Variants in NBPF9 observed in about 807,000 individuals in gnomAD.
The protein encoded by NBPF9 is NBPF family member NBPF9.
NBPF9 carries 91 observed loss-of-function variants against 97.8 expected under a neutral mutation model. The ratio of observed to expected loss-of-function variants is 0.93; its 90% CI spans 0.79 to 1.11. The LOEUF (loss-of-function observed/expected upper bound fraction) is 1.11, where lower values mean the gene tolerates loss of function less well. Ranked by LOEUF, NBPF9 falls within the 50% of genes least tolerant of loss-of-function variation. The pLI, the probability that NBPF9 is intolerant of heterozygous loss-of-function variation, is 0.00. For synonymous variants in NBPF9, 334 were observed against 359.5 expected (o/e 0.93, Z 0.80); for missense variants, 992 against 939.5 (o/e 1.06, Z -0.73).
exon 30 of NBPF9, chr1:149,055,256 G>A (rs2078128249): frequency 6.0e-6 from 2 of 335,496 alleles, no homozygotes; most frequent in Non-Finnish European, 5.5e-6. Flanking sequence ...GAAGAATGAG[G>A]TTAGGTTCAT....
chr1:149,097,886 C>T (rs1353350976), intron 4 of NBPF9, among the ~76,000 whole-genome samples: 19 of 152,056 alleles, frequency 1.2e-4, no homozygotes, highest in Non-Finnish European at 2.4e-4. Context: ...GAGATGGGAA[C>T]GGCCTTCAAA....
intron 7 of NBPF9, 91 bp downstream of exon 7, chr1:149,081,874 A>G: frequency 7.0e-6 from 6 of 862,328 alleles, no homozygotes; most frequent in South Asian, 4.5e-5. Flanking sequence ...GGAAGGATGA[A>G]ATTATTTTTG....
intron 12 of NBPF9, 104 bp from the exon 13 acceptor site, chr1:149,073,974 C>T: frequency 1.5e-6 from 1 of 660,108 alleles, no homozygotes. Flanking sequence ...CAAAACTCTC[C>T]CCAGTACCAG....
At chr1:149,069,196 C>T (rs1310467225) in intron 17 of NBPF9, among the ~76,000 whole-genome samples, 1 of 150,344 alleles carries the variant, frequency 6.7e-6, no homozygotes, top group Non-Finnish European at 1.5e-5. Context: ...GACACCCTAA[C>T]ATCACAATTA....
intron 15 of NBPF9, among the ~76,000 whole-genome samples, 171 bp downstream of exon 15, chr1:149,071,433 T>TA (rs2079401405): frequency 6.8e-6 from 1 of 148,126 alleles, no homozygotes; most frequent in Non-Finnish European, 1.5e-5. Context: ...TCGGCACACA[T>TA]AGAGAAACAT....
rs781808514 is a variant in NBPF9, at chr1:149,079,006, C to T, written c.493+1G>A. On this transcript the variant is annotated splice_donor_variant, in intron 9 of 29. Transcript: ENST00000584027. LOFTEE classifies it high-confidence loss of function. ...GTCATCAGGGCCTATGGCCACCTTA[C>T]CTGGGCTGAGCTTTTGGACAAGGTG... The T allele has an allele frequency of 1.1e-5, 15 of 1,426,424 alleles. No homozygotes were observed. In the Admixed American group the frequency reaches 2.0e-4, roughly 19 times the overall value. 88.4% of individuals were successfully genotyped at this position (1,426,424 alleles called of 1,614,324 possible).
intron 21 of NBPF9, among the ~76,000 whole-genome samples, chr1:149,062,480 G>A (rs1254797378): frequency 1.4e-5 from 2 of 144,130 alleles, no homozygotes; most frequent in African/African-American, 5.1e-5. Context: ...AGAGAGAGAG[G>A]AGAAAGTGAG....
chr1:149,082,237 C>T, intron 6 of NBPF9, 35 bp downstream of exon 6: 1 of 1,309,424 alleles, frequency 7.6e-7, no homozygotes, highest in South Asian at 1.2e-5. Context: ...TAGGTTTAAT[C>T]AGGACTGAGG....
intron 4 of NBPF9, among the ~76,000 whole-genome samples, chr1:149,095,652 C>T (rs1185722881): frequency 9.6e-5 from 14 of 145,870 alleles, no homozygotes; most frequent in Non-Finnish European, 2.1e-4. Flanking sequence ...GGTGAAAGAT[C>T]TGAACACCTC....
At chr1:149,059,327 G>C in intron 25 of NBPF9, 1 of 474,506 alleles carries the variant, frequency 2.1e-6, no homozygotes, top group Non-Finnish European at 3.9e-6. Context: ...AAGTGACCTA[G>C]TGAATTGGCC....
At chr1:149,094,547 T>C (rs1479199133) in intron 4 of NBPF9, among the ~76,000 whole-genome samples, 3 of 137,658 alleles carry the variant, frequency 2.2e-5, no homozygotes, top group African/African-American at 6.1e-5. Flanking sequence ...TGACAAAATA[T>C]GCTGAAGTAG....
chr1:149,055,883 T>A (rs1553648749), exon 30 of NBPF9: 14 of 1,610,982 alleles, frequency 8.7e-6, no homozygotes, highest in Admixed American at 1.7e-5. Context: ...TCCACTTCCA[T>A]CAGCACGCCG....
chr1:149,081,133 T>C (rs1307169610), intron 7 of NBPF9, among the ~76,000 whole-genome samples: 1 of 152,152 alleles, frequency 6.6e-6, no homozygotes, highest in Non-Finnish European at 1.5e-5. Flanking sequence ...TTTGTTTGTT[T>C]GTTTTTTGAC....
At chr1:149,073,085 G>C (rs1164990165) in intron 13 of NBPF9, among the ~76,000 whole-genome samples, 153 bp from the exon 14 acceptor site, 1 of 149,944 alleles carries the variant, frequency 6.7e-6, no homozygotes, top group Non-Finnish European at 1.5e-5. Flanking sequence ...CCAAGAGAAA[G>C]AATAGAAAAT....
intron 4 of NBPF9, among the ~76,000 whole-genome samples, chr1:149,097,636 A>G (rs1172896967): frequency 7.2e-5 from 11 of 152,070 alleles, no homozygotes; most frequent in Non-Finnish European, 1.6e-4. Flanking sequence ...GCCACGTGAG[A>G]AGGATACAAA....
intron 14 of NBPF9, among the ~76,000 whole-genome samples, 169 bp from the exon 15 acceptor site, chr1:149,071,845 C>T (rs1370376727): frequency 3.3e-5 from 5 of 151,038 alleles, no homozygotes; most frequent in Admixed American, 6.6e-5. Flanking sequence ...CCTGATCCAT[C>T]AGGCAATGCA....
chr1:149,071,058 G>A (rs1553652832), exon 16 of NBPF9: 29 of 1,611,178 alleles, frequency 1.8e-5, no homozygotes, highest in Non-Finnish European at 2.3e-5. Flanking sequence ...AGTCATAAGG[G>A]CCATGGCTAT....
chr1:149,079,139 G>C (rs782099863), exon 9 of NBPF9: 32 of 1,302,666 alleles, frequency 2.5e-5, no homozygotes, highest in Non-Finnish European at 3.4e-5. Context: ...TTCAATGAGC[G>C]GGAGGCATCT....
At chr1:149,075,609 A>C in intron 12 of NBPF9, 46 bp downstream of exon 12, 1 of 1,529,596 alleles carries the variant, frequency 6.5e-7, no homozygotes, top group Non-Finnish European at 9.0e-7. Flanking sequence ...GAGAGAAGAC[A>C]GGACGTCGTT....
Sources: gnomAD v4.1 joint callset for allele counts (sites outside exome capture counted in the v4.1 genomes callset) on GRCh38, gnomAD v4.1.1 for gene constraint, MANE v1.5 for transcripts, NCBI Gene and HGNC (gene_info 2026-07-23, HGNC 2026-07-21) for gene names.